The following ANO4 variants were observed in gnomAD, a reference collection of about 807,000 sequenced individuals.
ANO4 encodes the protein anoctamin-4.
ANO4 carries 69 observed loss-of-function variants against 141.9 expected under a neutral mutation model. The observed-to-expected ratio is 0.49, with a 90% CI of 0.40 to 0.59. ANO4 has a LOEUF of 0.59. Ranked by LOEUF, ANO4 falls within the 20% of genes least tolerant of loss-of-function variation. The pLI is 0.00. For synonymous variants in ANO4, 350 were observed against 394.3 expected (o/e 0.89, Z 1.33); for missense variants, 894 against 1,162.2 (o/e 0.77, Z 3.36).
At chr12:101,114,941 T>G (rs1342376164) in intron 24 of ANO4, among the ~76,000 whole-genome samples, 1 of 152,116 alleles carries the variant, frequency 6.6e-6, no homozygotes, top group Admixed American at 6.5e-5. Context: ...GTCCTTCAGC[T>G]TGGTTCATTT....
At chr12:100,840,940 T>A (rs1382167467) in intron 1 of ANO4, among the ~76,000 whole-genome samples, 1 of 152,170 alleles carries the variant, frequency 6.6e-6, no homozygotes, top group Admixed American at 6.6e-5. Flanking sequence ...GTTTTTGAGT[T>A]AGGTCACCAG....
In ANO4 at chr12:100,749,935, T is replaced by C. The variant is rs181609641; in HGVS notation, c.358+9830T>C. On this transcript the variant is annotated intron_variant, in intron 3 of 29. Transcript: ENST00000644049. ...CAATAGCACTTCGTAATTAATGGGATGTGATATATGACTGAATGGATGTCC... is the reference window on the plus strand; with the variant it reads ...CAATAGCACTTCGTAATTAATGGGACGTGATATATGACTGAATGGATGTCC... 9.4e-4 allele frequency among the ~76,000 whole-genome samples: 143 copies of C among 152,216 alleles called. 1 individual carries two copies. The highest frequency in any genetic ancestry group is 3.3e-3 in the African/African-American group (139 of 41,542).
At chr12:100,791,450 C>G (rs1432276172), upstream of ANO4, among the ~76,000 whole-genome samples, 2 of 152,120 alleles carry the variant, frequency 1.3e-5, no homozygotes, top group Non-Finnish European at 2.9e-5. Flanking sequence ...ATTATAGGGT[C>G]AGAGTTGAGA....
At chr12:101,125,470 G>T (rs1014035225) in intron 26 of ANO4, among the ~76,000 whole-genome samples, 3 of 152,048 alleles carry the variant, frequency 2.0e-5, no homozygotes, top group Non-Finnish European at 4.4e-5. Flanking sequence ...TATTTCTCTT[G>T]CCTGACTGCC....
intron 17 of ANO4, among the ~76,000 whole-genome samples, chr12:101,088,341 C>T (rs2049593211): frequency 6.6e-6 from 1 of 152,076 alleles, no homozygotes. Context: ...TCCCTGGTCA[C>T]TCTGTTTTAA....
intron 1 of ANO4, among the ~76,000 whole-genome samples, chr12:100,811,166 C>T (rs1345964283): frequency 6.6e-6 from 1 of 152,116 alleles, no homozygotes; most frequent in African/African-American, 2.4e-5. Context: ...CAGAAACGGA[C>T]TCATAGATCA....
At chr12:100,838,330 C>T (rs2037059663) in intron 1 of ANO4, among the ~76,000 whole-genome samples, 1 of 151,780 alleles carries the variant, frequency 6.6e-6, no homozygotes, top group Non-Finnish European at 1.5e-5. Flanking sequence ...TGGGGTGCCA[C>T]CTTGGCAGGA....
chr12:100,850,083 G>C (rs1457863797), intron 1 of ANO4, among the ~76,000 whole-genome samples: 35 of 152,190 alleles, frequency 2.3e-4, no homozygotes, highest in Non-Finnish European at 1.5e-5. Flanking sequence ...TGAATTTTCA[G>C]AATGTTAGTG....
At chr12:101,023,830 T>C (rs1259771211) in intron 9 of ANO4, among the ~76,000 whole-genome samples, 1 of 152,216 alleles carries the variant, frequency 6.6e-6, no homozygotes, top group Non-Finnish European at 1.5e-5. Context: ...AATATTTCAT[T>C]ATCATCTTTG....
intron 9 of ANO4, among the ~76,000 whole-genome samples, chr12:101,027,509 G>C (rs2046792599): frequency 6.6e-6 from 1 of 152,226 alleles, no homozygotes; most frequent in African/African-American, 2.4e-5. Flanking sequence ...TCCAGGCCAT[G>C]CTTTTCCCCT....
At chr12:101,077,476 A>G (rs929321693) in intron 14 of ANO4, among the ~76,000 whole-genome samples, 4 of 152,220 alleles carry the variant, frequency 2.6e-5, no homozygotes, top group Non-Finnish European at 4.4e-5. Context: ...GAAGGACTCC[A>G]GTAGAAAACA....
At chr12:100,924,931 A>T (rs566517897) in intron 3 of ANO4, among the ~76,000 whole-genome samples, 26 of 152,218 alleles carry the variant, frequency 1.7e-4, no homozygotes, top group African/African-American at 6.0e-4. Context: ...ACTGTTCTGT[A>T]GTTTAGAAGG....
chr12:100,989,848 G>T (rs956107068), intron 8 of ANO4, among the ~76,000 whole-genome samples: 1 of 136,790 alleles, frequency 7.3e-6, no homozygotes, highest in Non-Finnish European at 1.6e-5. Context: ...GGATGGTTGG[G>T]TATACACATG....
chr12:100,812,197 A>G (rs1019816350), intron 1 of ANO4, among the ~76,000 whole-genome samples: 4 of 152,222 alleles, frequency 2.6e-5, no homozygotes, highest in East Asian at 3.9e-4. Context: ...ATTGAAATCT[A>G]GAACTGGGTT....
intron 14 of ANO4, among the ~76,000 whole-genome samples, chr12:101,067,933 T>C (rs1284641103): frequency 6.6e-6 from 1 of 152,144 alleles, no homozygotes; most frequent in Non-Finnish European, 1.5e-5. Context: ...AGGAAAAAAA[T>C]CCTTTGGAAT....
At chr12:100,986,628 A>C (rs2044720501) in intron 7 of ANO4, among the ~76,000 whole-genome samples, 1 of 152,248 alleles carries the variant, frequency 6.6e-6, no homozygotes, top group South Asian at 2.1e-4. Flanking sequence ...TAATTAGGAA[A>C]AAAATAAAGC....
intron 7 of ANO4, among the ~76,000 whole-genome samples, chr12:100,978,700 A>C (rs546627117): frequency 6.6e-6 from 1 of 152,376 alleles, no homozygotes; most frequent in South Asian, 2.1e-4. Context: ...AATATAGGCA[A>C]AAGGGCTTAG....
chr12:100,898,092 C>T (rs996515958), intron 1 of ANO4, among the ~76,000 whole-genome samples: 11 of 152,184 alleles, frequency 7.2e-5, no homozygotes, highest in Non-Finnish European at 1.5e-4. Flanking sequence ...CCTCAGATTT[C>T]CCATTTGTAA....
At chr12:100,945,413 A>G (rs1256992180) in intron 5 of ANO4, among the ~76,000 whole-genome samples, 1 of 152,220 alleles carries the variant, frequency 6.6e-6, no homozygotes, top group Non-Finnish European at 1.5e-5. Context: ...AACTTTCATA[A>G]TAGCCCAGAG....
Sources: gnomAD v4.1 joint callset for allele counts (sites outside exome capture counted in the v4.1 genomes callset) on GRCh38, gnomAD v4.1.1 for gene constraint, MANE v1.5 for transcripts, NCBI Gene and HGNC (gene_info 2026-07-23, HGNC 2026-07-21) for gene names.